The following UGT1A8 variants were observed in gnomAD, a reference collection of about 807,000 sequenced individuals.
UGT1A8 encodes UDP-glucuronosyltransferase 1A8.
A neutral mutation model predicts 45.3 loss-of-function variants in UGT1A8; 39 were observed. The observed-to-expected ratio is 0.86, with a 90% CI of 0.67 to 1.12. UGT1A8 has a LOEUF of 1.12. Ranked by LOEUF, UGT1A8 falls within the 50% of genes most tolerant of loss-of-function variation. The pLI, the probability that UGT1A8 is intolerant of heterozygous loss-of-function variation, is 0.00. For synonymous variants in UGT1A8, 275 were observed against 249.2 expected (o/e 1.10, Z -0.97); for missense variants, 719 against 664.9 (o/e 1.08, Z -0.90).
At position 233,712,249 on chromosome 2, in the gene UGT1A8, T is replaced by C. The variant is rs1173166016; in HGVS notation, c.856-54785T>C. 2.0e-5 allele frequency among the ~76,000 whole-genome samples: 3 copies of C among 152,232 alleles called. No individual in the cohort carries two copies. The East Asian group carries it at 5.8e-4, about 29-fold the overall frequency. On this transcript the variant is annotated intron_variant, in intron 1 of 4. Coordinates refer to ENST00000373450, the MANE Select transcript of UGT1A8 (RefSeq NM_019076.5). ...CCACCATGGGTCTTTGCTAGGGTTGTCTTGCACATGTGTGCTTTAGACAGC... is the reference window on the plus strand; with the variant it reads ...CCACCATGGGTCTTTGCTAGGGTTGCCTTGCACATGTGTGCTTTAGACAGC...
At chr2:233,657,225 A>T (rs1450987116) in intron 1 of UGT1A8, among the ~76,000 whole-genome samples, 1 of 151,896 alleles carries the variant, frequency 6.6e-6, no homozygotes, top group East Asian at 1.9e-4. Context: ...ATTTTATGCC[A>T]CTCTTCATGC....
In UGT1A8 at chr2:233,761,168, G is replaced by T. The variant is rs747133515; in HGVS notation, c.856-5866G>T. 6 of 1,614,050 alleles carry T rather than the reference G, an allele frequency of 3.7e-6. No individual in the cohort carries two copies. In the African/African-American group the frequency reaches 8.0e-5, roughly 22 times the overall value. On this transcript the variant is annotated intron_variant, in intron 1 of 4. Transcript: ENST00000373450. ...CTATCCCAGGTGTGTATTGGAGTGG[G>T]ACTTTTACATGCGTATATTCTTTCA...
At chr2:233,718,968 G>A (rs1423240253) in intron 1 of UGT1A8, 1 of 1,614,222 alleles carries the variant, frequency 6.2e-7, no homozygotes, top group Non-Finnish European at 8.5e-7. Flanking sequence ...GGCCTTGCGG[G>A]AGCTCCATGC....
intron 1 of UGT1A8, among the ~76,000 whole-genome samples, chr2:233,706,438 T>C (rs980431850): frequency 1.4e-4 from 21 of 152,242 alleles, no homozygotes; most frequent in African/African-American, 4.6e-4. Context: ...ACAGACTTGG[T>C]CAAAGCAAAT....
chr2:233,743,667 C>G (rs201017854), intron 1 of UGT1A8: 4 of 1,367,108 alleles, frequency 2.9e-6, no homozygotes, highest in African/African-American at 1.5e-5. Context: ...AAGGGGTCCT[C>G]GAAGGGCCTG....
chr2:233,672,931 G>T (rs2074245830), intron 1 of UGT1A8: 4 of 1,457,148 alleles, frequency 2.7e-6, no homozygotes, highest in African/African-American at 1.4e-5. Context: ...TTGTGCCAAT[G>T]CGTGTACTCG....
intron 1 of UGT1A8, among the ~76,000 whole-genome samples, chr2:233,669,640 C>A (rs1311866498): frequency 6.6e-6 from 1 of 152,016 alleles, no homozygotes; most frequent in East Asian, 1.9e-4. Context: ...AGGTACCAAC[C>A]CCCGAGCAGT....
At chr2:233,691,109 A>C (rs1338649252) in intron 1 of UGT1A8, 1 of 985,864 alleles carries the variant, frequency 1.0e-6, no homozygotes, top group African/African-American at 1.7e-5. Context: ...CTATTCCTAC[A>C]TGCTTGCTTA....
chr2:233,691,655 C>T (rs1025228632), intron 1 of UGT1A8: 1 of 984,752 alleles, frequency 1.0e-6, no homozygotes, highest in African/African-American at 1.8e-5. Context: ...GTGTGACCCT[C>T]CCTTTCTGGG....
rs961413232 is a variant in UGT1A8 at position 233,745,610 on chromosome 2, A to G, written c.856-21424A>G. Among the ~76,000 whole-genome samples the G allele has an allele frequency of 4.0e-4, 61 of 151,736 alleles. 2 individuals carry two copies. Among genetic ancestry groups the G allele is most frequent in the African/African-American group, 1.3e-3 (55 of 41,108 alleles). ...GACCCGGACTTGGCACTTGGTAAGCACACAATGAACAGTCATAGAAAGCTG... is the reference window on the plus strand; with the variant it reads ...GACCCGGACTTGGCACTTGGTAAGCGCACAATGAACAGTCATAGAAAGCTG... On this transcript the variant is annotated intron_variant, in intron 1 of 4. Coordinates refer to ENST00000373450, the MANE Select transcript of UGT1A8 (RefSeq NM_019076.5).
chr2:233,757,537 T>TAA (rs1696591664), intron 1 of UGT1A8, among the ~76,000 whole-genome samples: 3 of 107,778 alleles, frequency 2.8e-5, no homozygotes, highest in African/African-American at 1.4e-4. Context: ...CTGTAAGGAA[T>TAA]ATATATATAT....
At chr2:233,659,661 G>A (rs747259369) in intron 1 of UGT1A8, among the ~76,000 whole-genome samples, 9 of 152,038 alleles carry the variant, frequency 5.9e-5, no homozygotes, top group Non-Finnish European at 1.2e-4. Flanking sequence ...AGGCGCACTC[G>A]ATTTAACTTA....
At chr2:233,747,925 T>C in intron 1 of UGT1A8, 1 of 1,613,432 alleles carries the variant, frequency 6.2e-7, no homozygotes, top group South Asian at 1.1e-5. Flanking sequence ...GCCTCTGAGC[T>C]TTTTCAGAGG....
chr2:233,767,641 T>G (rs941477411), intron 2 of UGT1A8, among the ~76,000 whole-genome samples: 5 of 152,170 alleles, frequency 3.3e-5, no homozygotes, highest in African/African-American at 1.2e-4. Flanking sequence ...TATCACAAAT[T>G]CACGTAGTGC....
intron 1 of UGT1A8, among the ~76,000 whole-genome samples, chr2:233,721,299 A>G (rs185045149): frequency 2.2e-4 from 34 of 152,276 alleles, no homozygotes; most frequent in Admixed American, 1.9e-3. Flanking sequence ...AGGCATTTGA[A>G]TAGTGATTGT....
chr2:233,704,584 A>G (rs1284227001), intron 1 of UGT1A8, among the ~76,000 whole-genome samples: 1 of 152,162 alleles, frequency 6.6e-6, no homozygotes, highest in Non-Finnish European at 1.5e-5. Context: ...CAAGAATCAG[A>G]GAGAAGAAAG....
rs182305779 is a variant in UGT1A8, at chr2:233,734,566, T to G, written c.856-32468T>G. ...CTTCCCTTCTGCTAGCTTTTGAATT[T>G]GTTTGCTCTTGCTTATCTAGTTCTT... is the stretch of plus-strand genomic sequence containing the variant. On this transcript the variant is annotated intron_variant, in intron 1 of 4. Transcript: ENST00000373450. Among the ~76,000 whole-genome samples, 19 of 152,196 alleles carry G rather than the reference T, an allele frequency of 1.2e-4. 1 individual carries two copies. Among genetic ancestry groups the G allele is most frequent in the Admixed American group, 1.2e-3 (19 of 15,288 alleles).
intron 1 of UGT1A8, chr2:233,743,924 G>A: frequency 1.5e-6 from 2 of 1,361,192 alleles, no homozygotes; most frequent in East Asian, 4.6e-5. Flanking sequence ...CATGCTGGAT[G>A]GCCAGAACGG....
chr2:233,661,623 T>TTTTTC, intron 1 of UGT1A8, among the ~76,000 whole-genome samples: 1 of 124,046 alleles, frequency 8.1e-6, no homozygotes, highest in Non-Finnish European at 1.7e-5. Context: ...ACTTACTGAA[T>TTTTTC]TTTCTTTCTT....
Sources: gnomAD v4.1 joint callset for allele counts (sites outside exome capture counted in the v4.1 genomes callset) on GRCh38, gnomAD v4.1.1 for gene constraint, MANE v1.5 for transcripts, NCBI Gene and HGNC (gene_info 2026-07-23, HGNC 2026-07-21) for gene names.